CNST: variants seen among roughly 807,000 people sequenced by gnomAD.
CNST encodes the protein consortin.
In CNST, 39 loss-of-function variants were observed where a neutral mutation model predicts 72.4. The ratio of observed to expected loss-of-function variants is 0.54; its 90% CI spans 0.42 to 0.70. The LOEUF (loss-of-function observed/expected upper bound fraction) is 0.70. Among genes scored for constraint, CNST ranks in the 30% least tolerant of loss-of-function variants. CNST has a pLI of 0.00. For synonymous variants in CNST, 332 were observed against 320.1 expected (o/e 1.04, Z -0.40); for missense variants, 871 against 868.5 (o/e 1.00, Z -0.04).
At position 246,666,673 on chromosome 1, in the gene CNST, C is replaced by T. The variant is rs1667402222; in HGVS notation, c.*768C>T. On this transcript the variant is annotated 3_prime_UTR_variant, in exon 11 of 11. Coordinates refer to ENST00000366513, the MANE Select transcript of CNST (RefSeq NM_152609.3). The stretch of plus-strand genomic sequence containing the variant: ...AGAAATTAATCACAGGCCTAGAGAC[C>T]AAAGAAAAAGCTCCCCTGAGTCTCA... 1 of 152,088 alleles carries T rather than the reference C, an allele frequency of 6.6e-6. No homozygotes were observed. Among genetic ancestry groups the T allele is most frequent in the Non-Finnish European group, 1.5e-5 (1 of 68,018 alleles). The allele number at this position is 152,088 out of a possible 1,614,324, so 9.4% of individuals were successfully genotyped here.
At chr1:246,585,191 G>A (rs1002013282) in intron 1 of CNST, among the ~76,000 whole-genome samples, 5 of 152,072 alleles carry the variant, frequency 3.3e-5, no homozygotes, top group African/African-American at 9.7e-5. Context: ...CTGGTTTTTC[G>A]TCCAGCTCTG....
intron 1 of CNST, among the ~76,000 whole-genome samples, chr1:246,588,680 GTAT>G (rs773186008): frequency 2.6e-5 from 4 of 152,238 alleles, no homozygotes; most frequent in African/African-American, 4.8e-5. Flanking sequence ...TATATCTAAA[GTAT>G]TATTTCAACA....
intron 6 of CNST, among the ~76,000 whole-genome samples, chr1:246,634,951 T>TGGTGCGTGTCTTCCGGCCGG (rs1553381616): frequency 5.0e-5 from 4 of 80,692 alleles, no homozygotes; most frequent in East Asian, 4.6e-4. Flanking sequence ...CTATCCTCGG[T>TGGTGCGTGTCTTCCGGCCGG]GGTGCGTGTC....
At chr1:246,609,581 G>GA (rs1173566082) in intron 2 of CNST, among the ~76,000 whole-genome samples, 1 of 151,698 alleles carries the variant, frequency 6.6e-6, no homozygotes, top group Non-Finnish European at 1.5e-5. Context: ...CTGTCTCAAA[G>GA]AAAAAAAAGT....
chr1:246,629,464 G>A (rs764209142), intron 3 of CNST, among the ~76,000 whole-genome samples: 2 of 152,174 alleles, frequency 1.3e-5, no homozygotes, highest in Non-Finnish European at 2.9e-5. Context: ...TATTAGAACT[G>A]CTACAGAAGC....
intron 2 of CNST, among the ~76,000 whole-genome samples, chr1:246,603,902 T>C (rs1662489823): frequency 6.6e-6 from 1 of 152,148 alleles, no homozygotes; most frequent in African/African-American, 2.4e-5. Flanking sequence ...AATTATGTGT[T>C]ATGAGAATTA....
At chr1:246,660,748 AAAAG>A (rs1667056407) in intron 10 of CNST, among the ~76,000 whole-genome samples, 1 of 152,214 alleles carries the variant, frequency 6.6e-6, no homozygotes, top group Admixed American at 6.5e-5. Flanking sequence ...ATAAGTAAAT[AAAAG>A]AATATGTCAG....
At chr1:246,620,325 G>A (rs1451877305) in intron 2 of CNST, among the ~76,000 whole-genome samples, 1 of 5,138 alleles carries the variant, frequency 1.9e-4, no homozygotes, top group African/African-American at 5.2e-4. Context: ...CAGGGAGGAC[G>A]GCTTCAGTCG....
rs181554686 is a variant in CNST at position 246,635,023 on chromosome 1, G to A, written c.818+436G>A. Among the ~76,000 whole-genome samples the A allele has an allele frequency of 2.6e-3, 387 of 149,854 alleles. 1 individual carries two copies. Among genetic ancestry groups the A allele is most frequent in the African/African-American group, 9.0e-3 (366 of 40,784 alleles). On this transcript the variant is annotated intron_variant, in intron 6 of 10. Coordinates refer to ENST00000366513, the MANE Select transcript of CNST (RefSeq NM_152609.3). ...TCCTGCTTCTGCTTCTCGCTGACGCGCGCTGCTGGTGCAAGTGGCCTCGCG... is the reference window on the plus strand; with the variant it reads ...TCCTGCTTCTGCTTCTCGCTGACGCACGCTGCTGGTGCAAGTGGCCTCGCG...
intron 1 of CNST, among the ~76,000 whole-genome samples, chr1:246,573,043 T>C (rs1660164913): frequency 6.6e-6 from 1 of 152,250 alleles, no homozygotes; most frequent in Non-Finnish European, 1.5e-5. Flanking sequence ...CAAATTATAC[T>C]GGTTATGATA....
chr1:246,664,053 T>G (rs1667255614), intron 10 of CNST, among the ~76,000 whole-genome samples: 1 of 152,206 alleles, frequency 6.6e-6, no homozygotes, highest in Non-Finnish European at 1.5e-5. Flanking sequence ...TAAAAATATA[T>G]GCTAATTATG....
intron 2 of CNST, among the ~76,000 whole-genome samples, chr1:246,612,943 T>C (rs780363607): frequency 8.5e-5 from 13 of 152,150 alleles, no homozygotes; most frequent in Admixed American, 5.2e-4. Context: ...GCTTAACTAA[T>C]TGAAATTTGC....
intron 2 of CNST, among the ~76,000 whole-genome samples, chr1:246,609,294 G>A (rs1028528640): frequency 6.6e-6 from 1 of 152,208 alleles, no homozygotes; most frequent in African/African-American, 2.4e-5. Context: ...GGTGAGCACT[G>A]GCCAGGCACG....
intron 3 of CNST, among the ~76,000 whole-genome samples, chr1:246,627,048 C>A (rs1351195297): frequency 6.6e-6 from 1 of 152,206 alleles, no homozygotes; most frequent in East Asian, 1.9e-4. Context: ...TTCACTGCTA[C>A]CATTTCCGTA....
intron 1 of CNST, among the ~76,000 whole-genome samples, chr1:246,586,109 A>ATGGGTGTGTGTGTG (rs371447612): frequency 8.2e-6 from 1 of 122,174 alleles, no homozygotes; most frequent in Non-Finnish European, 1.6e-5. Flanking sequence ...ATATATATAT[A>ATGGGTGTGTGTGTG]TATGTGTGTG....
chr1:246,654,884 G>T (rs1000673899), intron 9 of CNST, among the ~76,000 whole-genome samples: 3 of 151,998 alleles, frequency 2.0e-5, no homozygotes, highest in African/African-American at 4.8e-5. Flanking sequence ...AAACTAGGAA[G>T]ACAGCGCTGA....
intron 3 of CNST, among the ~76,000 whole-genome samples, chr1:246,628,600 T>C (rs771002725): frequency 1.3e-5 from 2 of 152,240 alleles, no homozygotes; most frequent in Non-Finnish European, 2.9e-5. Flanking sequence ...TTTAAATGTT[T>C]AACTGAAGTC....
intron 1 of CNST, among the ~76,000 whole-genome samples, chr1:246,574,047 T>C (rs537095242): frequency 2.8e-4 from 43 of 152,322 alleles, no homozygotes; most frequent in African/African-American, 9.6e-4. Context: ...GCTCCAAAGA[T>C]GTTTTTTAAT....
At chr1:246,635,836 C>G (rs1361573917) in intron 6 of CNST, among the ~76,000 whole-genome samples, 1 of 152,198 alleles carries the variant, frequency 6.6e-6, no homozygotes, top group Non-Finnish European at 1.5e-5. Flanking sequence ...CACTCGTCCT[C>G]TCACGGTCTT....
Sources: gnomAD v4.1 joint callset for allele counts (sites outside exome capture counted in the v4.1 genomes callset) on GRCh38, gnomAD v4.1.1 for gene constraint, MANE v1.5 for transcripts, NCBI Gene and HGNC (gene_info 2026-07-23, HGNC 2026-07-21) for gene names.